The following PXDNL variants were observed in gnomAD, a reference collection of about 807,000 sequenced individuals.
PXDNL encodes the protein probable oxidoreductase PXDNL.
PXDNL carries 145 observed loss-of-function variants against 150.8 expected under a neutral mutation model. That is an observed-to-expected ratio of 0.96 (90% CI 0.84 to 1.10). PXDNL has a LOEUF of 1.10. Among genes scored for constraint, PXDNL ranks in the 50% least tolerant of loss-of-function variants. The pLI, the probability that PXDNL is intolerant of heterozygous loss-of-function variation, is 0.00. For synonymous variants in PXDNL, 757 were observed against 725.7 expected (o/e 1.04, Z -0.69); for missense variants, 2,087 against 1,873.9 (o/e 1.11, Z -2.10).
intron 6 of PXDNL, among the ~76,000 whole-genome samples, chr8:51,476,284 G>C (rs749118058): frequency 1.3e-4 from 20 of 152,172 alleles, no homozygotes; most frequent in Non-Finnish European, 2.4e-4. Flanking sequence ...GATCCACGCA[G>C]CTCCCCCAGG....
At chr8:51,640,108 G>A (rs142680891) in intron 2 of PXDNL, among the ~76,000 whole-genome samples, 2,307 of 152,258 alleles carry the variant, frequency 0.015, 57 homozygotes, top group African/African-American at 0.052. Context: ...AAAACCACAT[G>A]ATTATCTCAA....
At chr8:51,745,588 T>C (rs1367788295) in intron 1 of PXDNL, among the ~76,000 whole-genome samples, 1 of 152,196 alleles carries the variant, frequency 6.6e-6, no homozygotes, top group Non-Finnish European at 1.5e-5. Flanking sequence ...GGCCACCCTG[T>C]TCCCAGAGTC....
intron 5 of PXDNL, among the ~76,000 whole-genome samples, chr8:51,499,026 T>C (rs1386858760): frequency 6.6e-6 from 1 of 152,220 alleles, no homozygotes; most frequent in African/African-American, 2.4e-5. Flanking sequence ...CATCTTCTGG[T>C]GCGTACATAT....
At chr8:51,758,888 T>G (rs2037131370) in intron 1 of PXDNL, among the ~76,000 whole-genome samples, 1 of 152,208 alleles carries the variant, frequency 6.6e-6, no homozygotes. Context: ...TTTCCACAGC[T>G]CTAATCCTCC....
chr8:51,450,762 C>A (rs1480784757), intron 10 of PXDNL, among the ~76,000 whole-genome samples: 2 of 152,062 alleles, frequency 1.3e-5, no homozygotes, highest in African/African-American at 4.8e-5. Flanking sequence ...TGGAAAACAG[C>A]CCACAAATCA....
chr8:51,319,680 C>A lies in PXDNL; in HGVS notation c.*211G>T. On this transcript the variant is annotated 3_prime_UTR_variant, in exon 23 of 23. Transcript: ENST00000356297. ...TTCTTATGATCAAACACTTCATATG[C>A]ACTTTATTGCTTTTAGTTTTGAATT... The A allele has an allele frequency of 3.0e-6, 1 of 335,958 alleles. No individual in the cohort carries two copies. Among genetic ancestry groups the A allele is most frequent in the Non-Finnish European group, 5.3e-6 (1 of 189,542 alleles). 20.8% of individuals were successfully genotyped at this position (335,958 alleles called of 1,614,324 possible). A position where few individuals can be genotyped will look rare whatever the true frequency, so the allele number is the denominator to read the frequency against.
chr8:51,543,848 A>C (rs534669053), intron 4 of PXDNL, among the ~76,000 whole-genome samples: 2 of 152,320 alleles, frequency 1.3e-5, no homozygotes, highest in South Asian at 4.1e-4. Flanking sequence ...CTGCCCACTA[A>C]GGAGGCAAGA....
rs536609642 is a variant in PXDNL at position 51,435,839 on chromosome 8, G to T, written c.1526-9081C>A. On this transcript the variant is annotated intron_variant, in intron 12 of 22. Coordinates refer to ENST00000356297, the MANE Select transcript of PXDNL (RefSeq NM_144651.5). ...TAAATTTCAGAACAAGACATTTTAT[G>T]CAGGACTTGAGAATGTTGATGCCTC... 190 of 446,018 alleles carry T rather than the reference G, an allele frequency of 4.3e-4. 1 individual carries two copies. The highest frequency in any genetic ancestry group is 3.5e-3 in the South Asian group (186 of 53,598). 27.6% of individuals were successfully genotyped at this position (446,018 alleles called of 1,614,324 possible).
At chr8:51,746,494 T>C (rs1585719153) in intron 1 of PXDNL, among the ~76,000 whole-genome samples, 1 of 152,272 alleles carries the variant, frequency 6.6e-6, no homozygotes, top group South Asian at 2.1e-4. Context: ...AGGGTATCAT[T>C]AACTTTCTTT....
chr8:51,417,458 G>A (rs982569906), intron 14 of PXDNL, among the ~76,000 whole-genome samples: 5 of 152,158 alleles, frequency 3.3e-5, no homozygotes, highest in African/African-American at 7.2e-5. Context: ...TGCATGAAAG[G>A]CCTGGCTCTG....
chr8:51,808,615 G>T (rs984314953), intron 1 of PXDNL, among the ~76,000 whole-genome samples: 2 of 152,190 alleles, frequency 1.3e-5, no homozygotes, highest in African/African-American at 4.8e-5. Flanking sequence ...CTAAGCGGCT[G>T]CTCCACAAGG....
chr8:51,369,616 G>T (rs188275914), intron 19 of PXDNL, among the ~76,000 whole-genome samples: 2,342 of 150,782 alleles, frequency 0.016, 54 homozygotes, highest in African/African-American at 0.052. Context: ...AGGTAATTTT[G>T]CTACTGACAT....
rs1250878586 is a variant in PXDNL, at chr8:51,340,031, A to G, written c.4017-278T>C. 5 of 233,054 alleles carry G rather than the reference A, an allele frequency of 2.1e-5. No homozygotes were observed. In the South Asian group the frequency reaches 3.5e-4, roughly 16 times the overall value. 14.4% of individuals were successfully genotyped at this position (233,054 alleles called of 1,614,324 possible). A position where few individuals can be genotyped will look rare whatever the true frequency, so the allele number is the denominator to read the frequency against. On this transcript the variant is annotated intron_variant, in intron 20 of 22. Coordinates refer to ENST00000356297, the MANE Select transcript of PXDNL (RefSeq NM_144651.5). ...TAAAGGAAATTTCATGTTGTATTAC[A>G]TATATATTTGATATATTATTTAGAC...
At chr8:51,422,827 T>A (rs1410060679) in intron 14 of PXDNL, among the ~76,000 whole-genome samples, 1 of 152,192 alleles carries the variant, frequency 6.6e-6, no homozygotes, top group Non-Finnish European at 1.5e-5. Context: ...TCAATGCCTC[T>A]CCGTGTAGAG....
At chr8:51,739,539 T>G (rs778783722) in intron 1 of PXDNL, among the ~76,000 whole-genome samples, 22 of 152,080 alleles carry the variant, frequency 1.4e-4, no homozygotes, top group Non-Finnish European at 3.1e-4. Context: ...ACTAAAAATC[T>G]CCTAGAAATA....
intron 2 of PXDNL, among the ~76,000 whole-genome samples, chr8:51,637,053 G>A (rs1814619978): frequency 6.6e-6 from 1 of 152,146 alleles, no homozygotes; most frequent in Non-Finnish European, 1.5e-5. Flanking sequence ...CTGCTCTGCA[G>A]CCTCCACTGC....
At chr8:51,531,129 T>G (rs1162914494) in intron 4 of PXDNL, among the ~76,000 whole-genome samples, 2 of 152,216 alleles carry the variant, frequency 1.3e-5, no homozygotes, top group Non-Finnish European at 2.9e-5. Flanking sequence ...CAGCTAAAAC[T>G]TCCAGGTCTA....
intron 1 of PXDNL, among the ~76,000 whole-genome samples, chr8:51,676,523 C>T (rs759764971): frequency 2.2e-4 from 34 of 152,080 alleles, no homozygotes; most frequent in Non-Finnish European, 4.1e-4. Flanking sequence ...GTGATCTGCC[C>T]GCCCTGGCCT....
At chr8:51,411,762 C>T (rs758082971) in intron 15 of PXDNL, among the ~76,000 whole-genome samples, 12 of 152,108 alleles carry the variant, frequency 7.9e-5, no homozygotes, top group South Asian at 2.1e-4. Flanking sequence ...GCAATACTCT[C>T]GGTCTGCAGG....
Sources: allele counts gnomAD v4.1 joint callset (sites outside exome capture counted in the v4.1 genomes callset), GRCh38; gene constraint gnomAD v4.1.1; transcripts MANE v1.5; gene names NCBI Gene and HGNC (gene_info 2026-07-23, HGNC 2026-07-21).